Variants in ITSN1 observed in about 807,000 individuals in gnomAD.
ITSN1 encodes the protein intersectin-1.
A neutral mutation model predicts 239.8 loss-of-function variants in ITSN1; 58 were observed. That is an observed-to-expected ratio of 0.24 (90% CI 0.20 to 0.30). The LOEUF is 0.30. ITSN1 is among the 10% of genes least tolerant of loss of function. The probability of loss-of-function intolerance (pLI) is 1.00; values close to 1 mark genes in which losing one functional copy is unlikely to be tolerated. For synonymous variants in ITSN1, 780 were observed against 770.8 expected (o/e 1.01, Z -0.20); for missense variants, 1,558 against 2,103.3 (o/e 0.74, Z 5.07).
intron 1 of ITSN1, among the ~76,000 whole-genome samples, chr21:33,713,328 C>G (rs1170242089): frequency 6.6e-6 from 1 of 152,172 alleles, no homozygotes; most frequent in East Asian, 1.9e-4. Flanking sequence ...CAAGCTCTGC[C>G]TCCCAGGTTC....
intron 1 of ITSN1, among the ~76,000 whole-genome samples, chr21:33,706,506 G>T (rs1198625145): frequency 1.3e-5 from 2 of 149,882 alleles, no homozygotes; most frequent in Non-Finnish European, 3.0e-5. Flanking sequence ...TGGATATATT[G>T]ACCTTAAAAT....
chr21:33,765,497 G>C (rs1435037110), intron 9 of ITSN1, among the ~76,000 whole-genome samples: 1 of 152,150 alleles, frequency 6.6e-6, no homozygotes, highest in African/African-American at 2.4e-5. Context: ...CAGTGAGTCT[G>C]CAGTGAGCTG....
At chr21:33,854,814 C>G (rs773289582) in intron 29 of ITSN1, among the ~76,000 whole-genome samples, 1 of 152,188 alleles carries the variant, frequency 6.6e-6, no homozygotes, top group Non-Finnish European at 1.5e-5. Flanking sequence ...CACCTTGCAG[C>G]CCTGGAGAAT....
chr21:33,829,277 G>A (rs2074152086), intron 26 of ITSN1: 5 of 342,432 alleles, frequency 1.5e-5, no homozygotes, highest in Non-Finnish European at 2.8e-5. Context: ...CCCCACCCTT[G>A]GCCTCAGGGC....
chr21:33,742,575 G>C (rs2066928599), intron 5 of ITSN1, among the ~76,000 whole-genome samples: 1 of 152,298 alleles, frequency 6.6e-6, no homozygotes, highest in African/African-American at 2.4e-5. Flanking sequence ...TATGCTCTCT[G>C]CAGTACTGAG....
chr21:33,659,205 T>C (rs1443634565), intron 1 of ITSN1, among the ~76,000 whole-genome samples: 1 of 152,166 alleles, frequency 6.6e-6, no homozygotes, highest in Non-Finnish European at 1.5e-5. Context: ...GGTGAACCCA[T>C]GATGTGCAGA....
chr21:33,832,485 C>G (rs988888860), intron 27 of ITSN1, among the ~76,000 whole-genome samples: 4 of 152,192 alleles, frequency 2.6e-5, no homozygotes, highest in Admixed American at 1.3e-4. Context: ...TTAGGATTCT[C>G]AATAAAGTGG....
intron 4 of ITSN1, among the ~76,000 whole-genome samples, chr21:33,732,578 T>A (rs893331440): frequency 2.6e-5 from 4 of 152,162 alleles, no homozygotes; most frequent in African/African-American, 9.7e-5. Flanking sequence ...TTCAGTAATG[T>A]CTTAGAAGGC....
At chr21:33,741,345 T>C (rs181226076) in intron 5 of ITSN1, among the ~76,000 whole-genome samples, 6 of 152,328 alleles carry the variant, frequency 3.9e-5, no homozygotes, top group Admixed American at 2.0e-4. Flanking sequence ...ATTAAAAATA[T>C]AGTTATCAAA....
At chr21:33,874,932 C>T (rs1232514715) in intron 33 of ITSN1, among the ~76,000 whole-genome samples, 3 of 152,236 alleles carry the variant, frequency 2.0e-5, no homozygotes, top group Non-Finnish European at 4.4e-5. Flanking sequence ...CAGGCGTGAG[C>T]CACTGTGCCC....
chr21:33,813,089 A>G (rs1028848797), intron 21 of ITSN1, among the ~76,000 whole-genome samples: 1 of 152,042 alleles, frequency 6.6e-6, no homozygotes, highest in Non-Finnish European at 1.5e-5. Flanking sequence ...CCTGTATTTC[A>G]TGTACCCTCA....
At chr21:33,775,749 A>C (rs1333913618) in intron 14 of ITSN1, among the ~76,000 whole-genome samples, 42 of 152,212 alleles carry the variant, frequency 2.8e-4, no homozygotes. Flanking sequence ...CTTTGGCTTT[A>C]CTGTGGTAAT....
chr21:33,855,165 A>C (rs1282036970), intron 29 of ITSN1, among the ~76,000 whole-genome samples: 1 of 152,212 alleles, frequency 6.6e-6, no homozygotes, highest in Non-Finnish European at 1.5e-5. Context: ...GAGAAGATGG[A>C]AACTCGAGGA....
intron 18 of ITSN1, 149 bp from the exon 19 acceptor site, chr21:33,799,659 A>T: frequency 1.3e-6 from 1 of 794,642 alleles, no homozygotes; most frequent in African/African-American, 1.8e-5. Context: ...GGCATTCAGT[A>T]TGTGTTTCAG....
At position 33,829,646 on chromosome 21, in the gene ITSN1, A is replaced by G; in HGVS notation, c.3252A>G (p.Ser1084=). 6.2e-7 allele frequency: 1 copy of G among 1,612,208 alleles called. No individual in the cohort carries two copies. Among genetic ancestry groups the G allele is most frequent in the Non-Finnish European group, 8.5e-7 (1 of 1,179,954 alleles). ...CAGAAATTGCCCAGGTTATTGCCTC[A>G]TACACCGCCACCGGCCCCGAGCAGC... ...KKPEIAQVIA[S]YTATGPEQLT... Residue 1084 remains serine (S), a synonymous_variant, in exon 27 of 40, where the codon TCA becomes TCG. Coordinates refer to ENST00000381318, the MANE Select transcript of ITSN1 (RefSeq NM_003024.3).
intron 16 of ITSN1, among the ~76,000 whole-genome samples, chr21:33,786,981 G>A (rs1373199082): frequency 6.6e-6 from 1 of 152,176 alleles, no homozygotes; most frequent in Non-Finnish European, 1.5e-5. Context: ...CCAGCTCTGT[G>A]CTTCAGTTTC....
At chr21:33,713,359 C>A (rs1461965029) in intron 1 of ITSN1, among the ~76,000 whole-genome samples, 1 of 152,052 alleles carries the variant, frequency 6.6e-6, no homozygotes, top group East Asian at 1.9e-4. Flanking sequence ...CCTGCCTCAG[C>A]CTCCCGAGTA....
chr21:33,739,362 T>C (rs1452880405), intron 5 of ITSN1, among the ~76,000 whole-genome samples: 1 of 152,188 alleles, frequency 6.6e-6, no homozygotes, highest in Non-Finnish European at 1.5e-5. Flanking sequence ...GTTTTTCTTT[T>C]GCTTGGTTTT....
intron 30 of ITSN1, among the ~76,000 whole-genome samples, chr21:33,858,195 G>A (rs374120680): frequency 2.3e-4 from 35 of 152,336 alleles, no homozygotes; most frequent in African/African-American, 8.2e-4. Flanking sequence ...AGGACACAGC[G>A]ATGGAGTCAG....
Sources: allele counts gnomAD v4.1 joint callset (sites outside exome capture counted in the v4.1 genomes callset), GRCh38; gene constraint gnomAD v4.1.1; transcripts MANE v1.5; gene names NCBI Gene and HGNC (gene_info 2026-07-23, HGNC 2026-07-21).